The following COPS8 variants were observed in gnomAD, a reference collection of about 807,000 sequenced individuals.
The protein encoded by COPS8 is COP9 signalosome subunit 8.
A neutral mutation model predicts 31.5 loss-of-function variants in COPS8; 11 were observed. That is an observed-to-expected ratio of 0.35 (90% confidence interval 0.22 to 0.58). COPS8 has a LOEUF of 0.58. COPS8 is among the 20% of genes least tolerant of loss of function. The pLI is 0.83. For missense variants in COPS8, 215 were observed against 255.1 expected, an observed-to-expected ratio of 0.84 and a Z score of 1.07; for synonymous variants, 81 against 89.3, an observed-to-expected ratio of 0.91 and a Z score of 0.52.
chr2:237,086,546 TGTTAAA>T (rs1342528177), intron 1 of COPS8, among the ~76,000 whole-genome samples: 4 of 152,234 alleles, frequency 2.6e-5, no homozygotes, highest in Admixed American at 6.5e-5. Flanking sequence ...GTTATGCAGC[TGTTAAA>T]GTTAATGTTT....
intron 4 of COPS8, among the ~76,000 whole-genome samples, chr2:237,090,493 T>C (rs1013441047): frequency 6.6e-6 from 1 of 152,246 alleles, no homozygotes; most frequent in African/African-American, 2.4e-5. Context: ...TCTCATTCCC[T>C]GCCTCTCTAC....
intron 6 of COPS8, 27 bp from the exon 7 acceptor site, chr2:237,096,795 A>G (rs1434470060): frequency 1.0e-5 from 16 of 1,583,846 alleles, no homozygotes; most frequent in Non-Finnish European, 1.3e-5. Flanking sequence ...CTGTAAATTG[A>G]GCTGTACATT....
At chr2:237,086,942 A>G (rs1335724963) in intron 1 of COPS8, 185 bp from the exon 2 acceptor site, 1 of 472,180 alleles carries the variant, frequency 2.1e-6, no homozygotes, top group East Asian at 3.5e-5. Context: ...TTCGTGTTTG[A>G]TACTTCTCTA....
intron 5 of COPS8, among the ~76,000 whole-genome samples, chr2:237,094,514 C>T (rs1183325082): frequency 6.6e-6 from 1 of 152,070 alleles, no homozygotes; most frequent in Non-Finnish European, 1.5e-5. Context: ...ATCATCCCCA[C>T]GTCCCTTTTC....
chr2:237,098,254 C>T lies in COPS8; in HGVS notation c.*512C>T, dbSNP rs187411487. On this transcript the variant is annotated 3_prime_UTR_variant, in exon 8 of 8. Transcript: ENST00000354371. ...GAGCCACTAATGTAAGATACAGAAA[C>T]ATAGCTGAGGAACAAATAGACCATT... The T allele has an allele frequency of 2.1e-4, 32 of 153,894 alleles. No homozygotes were observed. The highest frequency in any genetic ancestry group is 2.0e-3 in the Admixed American group (32 of 15,628). The allele number at this position is 153,894 out of a possible 1,614,324, so 9.5% of individuals were successfully genotyped here. A position where few individuals can be genotyped will look rare whatever the true frequency, so the allele number is the denominator to read the frequency against.
In COPS8 at chr2:237,099,544, T is replaced by A. The variant is rs1371812677; in HGVS notation, c.*1802T>A. 1 of 151,064 alleles carries A rather than the reference T, an allele frequency of 6.6e-6. No homozygotes were observed. The highest frequency in any genetic ancestry group is 1.5e-5 in the Non-Finnish European group (1 of 68,008). 9.4% of individuals were successfully genotyped at this position (151,064 alleles called of 1,614,324 possible). ...TTTATTATTAAAAGTATAGATTAAATTAATAATCATGTAACATTAGACCCC... is the reference window on the plus strand; with the variant it reads ...TTTATTATTAAAAGTATAGATTAAAATAATAATCATGTAACATTAGACCCC... On this transcript the variant is annotated 3_prime_UTR_variant, in exon 8 of 8. Coordinates refer to ENST00000354371, the MANE Select transcript of COPS8 (RefSeq NM_006710.5).
chr2:237,092,945 C>A (rs957235250), intron 4 of COPS8, among the ~76,000 whole-genome samples: 1 of 152,116 alleles, frequency 6.6e-6, no homozygotes, highest in Admixed American at 6.5e-5. Flanking sequence ...ATAAGAGATA[C>A]CCCTTCCTGT....
rs1374082709 is a variant in COPS8 at position 237,099,221 on chromosome 2, G to A, written c.*1479G>A. On this transcript the variant is annotated 3_prime_UTR_variant, in exon 8 of 8. Transcript: ENST00000354371. The stretch of plus-strand genomic sequence containing the variant: ...AGTGAGAACATAGAAAGCACATGTA[G>A]TTTATATGGTTATTTTGAGGGTAAC... 3 of 152,146 alleles carry A rather than the reference G, an allele frequency of 2.0e-5. No individual in the cohort carries two copies. Among genetic ancestry groups the A allele is most frequent in the East Asian group, 1.9e-4 (1 of 5,196 alleles). The allele number at this position is 152,146 out of a possible 1,614,324, so 9.4% of individuals were successfully genotyped here. A position where few individuals can be genotyped will look rare whatever the true frequency, so the allele number is the denominator to read the frequency against.
At position 237,100,072 on chromosome 2, in the gene COPS8, G is replaced by A. The variant is rs907353334; in HGVS notation, c.*2330G>A. On this transcript the variant is annotated 3_prime_UTR_variant, in exon 8 of 8. Coordinates refer to ENST00000354371, the MANE Select transcript of COPS8 (RefSeq NM_006710.5). ...TGCCAATCTCTAAAGCAACAAAATC[G>A]AACCTGTAGGGTAGTCAAAAAGCTC... 12 of 152,206 alleles carry A rather than the reference G, an allele frequency of 7.9e-5. No individual in the cohort carries two copies. The highest frequency in any genetic ancestry group is 5.9e-4 in the Admixed American group (9 of 15,292). 9.4% of individuals were successfully genotyped at this position (152,206 alleles called of 1,614,324 possible).
At chr2:237,087,467 CT>C in intron 2 of COPS8, 4 of 457,994 alleles carry the variant, frequency 8.7e-6, no homozygotes, top group South Asian at 2.3e-5. Context: ...TTTTAAGAAA[CT>C]TTTATGACCT....
At chr2:237,095,186 C>T (rs912081055) in intron 5 of COPS8, among the ~76,000 whole-genome samples, 2 of 151,930 alleles carry the variant, frequency 1.3e-5, no homozygotes, top group Non-Finnish European at 2.9e-5. Flanking sequence ...TAAAATTGGT[C>T]CATCATTTAT....
chr2:237,097,461 C>T (rs1489209296), intron 7 of COPS8, among the ~76,000 whole-genome samples: 1 of 152,100 alleles, frequency 6.6e-6, no homozygotes, highest in African/African-American at 2.4e-5. Flanking sequence ...TAAAACCATA[C>T]TCATAAAAGT....
Position 237,091,983 on chromosome 2 carries a change from C to T in COPS8, c.331+1989C>T, listed in dbSNP as rs546722085. Among the ~76,000 whole-genome samples the T allele has an allele frequency of 7.9e-5, 12 of 152,332 alleles. No individual in the cohort carries two copies. The East Asian group carries it at 1.7e-3, about 22-fold the overall frequency. On this transcript the variant is annotated intron_variant, in intron 4 of 7. Transcript: ENST00000354371. ...CCAACCTCCCTGGCACACAGCATGG[C>T]TGGGAAAGACAGAAGAGGATTCGAA...
intron 2 of COPS8, 97 bp downstream of exon 2, chr2:237,087,294 C>T (rs1042305669): frequency 2.6e-6 from 2 of 758,342 alleles, no homozygotes; most frequent in East Asian, 2.6e-5. Flanking sequence ...ATAGGCACAA[C>T]GAGCTACCTT....
chr2:237,090,967 A>C (rs1327021378), intron 4 of COPS8, among the ~76,000 whole-genome samples: 1 of 152,180 alleles, frequency 6.6e-6, no homozygotes, highest in Non-Finnish European at 1.5e-5. Context: ...CTCTTCATAT[A>C]AGCCCTGAGG....
In COPS8 at chr2:237,099,346, A is replaced by C. The variant is rs1277091440; in HGVS notation, c.*1604A>C. The C allele has an allele frequency of 6.6e-6, 1 of 152,176 alleles. No individual in the cohort carries two copies. The highest frequency in any genetic ancestry group is 1.5e-5 in the Non-Finnish European group (1 of 68,008). The allele number at this position is 152,176 out of a possible 1,614,324, so 9.4% of individuals were successfully genotyped here. A position where few individuals can be genotyped will look rare whatever the true frequency, so the allele number is the denominator to read the frequency against. ...TACAAAATGAATATAATAGTTCCCT[A>C]AAGAGGAAGGAGAGGACAGTGAACT... On this transcript the variant is annotated 3_prime_UTR_variant, in exon 8 of 8. Coordinates refer to ENST00000354371, the MANE Select transcript of COPS8 (RefSeq NM_006710.5).
At chr2:237,096,377 C>G (rs1247943295) in intron 6 of COPS8, among the ~76,000 whole-genome samples, 1 of 152,132 alleles carries the variant, frequency 6.6e-6, no homozygotes, top group Non-Finnish European at 1.5e-5. Context: ...AATTCCCAGC[C>G]CCTCAGTCTT....
At chr2:237,094,883 A>G (rs907865799) in intron 5 of COPS8, among the ~76,000 whole-genome samples, 41 of 152,148 alleles carry the variant, frequency 2.7e-4, no homozygotes, top group African/African-American at 9.2e-4. Flanking sequence ...GGAGAATCGC[A>G]TGAATCCAGG....
chr2:237,090,613 C>T (rs1183460320), intron 4 of COPS8, among the ~76,000 whole-genome samples: 1 of 152,180 alleles, frequency 6.6e-6, no homozygotes, highest in Non-Finnish European at 1.5e-5. Context: ...GTTACCCTTA[C>T]TTCCATAGTT....
Sources: allele counts gnomAD v4.1 joint callset (sites outside exome capture counted in the v4.1 genomes callset), GRCh38; gene constraint gnomAD v4.1.1; transcripts MANE v1.5; gene names NCBI Gene and HGNC (gene_info 2026-07-23, HGNC 2026-07-21).